SYT16: variants seen among roughly 807,000 people sequenced by gnomAD.
SYT16 encodes the protein synaptotagmin 16.
Under a neutral mutation model 61.4 loss-of-function variants are expected in SYT16, and 42 were observed. The observed-to-expected ratio is 0.68, with a 90% CI of 0.53 to 0.89. The LOEUF is 0.89. Among genes scored for constraint, SYT16 ranks in the 40% least tolerant of loss-of-function variants. SYT16 has a pLI of 0.00. For missense variants in SYT16, 804 were observed against 807.3 expected, an observed-to-expected ratio of 1.00 and a Z score of 0.05; for synonymous variants, 314 against 302.3, an observed-to-expected ratio of 1.04 and a Z score of -0.40.
intron 1 of SYT16, among the ~76,000 whole-genome samples, chr14:61,953,024 G>T (rs1367903034): frequency 6.6e-6 from 1 of 152,136 alleles, no homozygotes; most frequent in African/African-American, 2.4e-5. Flanking sequence ...AAAATAATAT[G>T]CTGTGAAGTA....
chr14:61,882,725 C>A (rs1194295197), intron 1 of SYT16, among the ~76,000 whole-genome samples: 1 of 152,224 alleles, frequency 6.6e-6, no homozygotes, highest in African/African-American at 2.4e-5. Context: ...TCATCTGAGA[C>A]AAGGCAAGTC....
Position 61,846,626 on chromosome 14 carries a change from C to T in SYT16, c.-325+33816C>T, listed in dbSNP as rs142889799. 3.6e-3 allele frequency among the ~76,000 whole-genome samples: 548 copies of T among 152,242 alleles called. 4 individuals carry two copies. Among genetic ancestry groups the T allele is most frequent in the African/African-American group, 0.012 (515 of 41,558 alleles). ...TTTCATCCATTCTGCCAGCCTGCAT[C>T]TTTTGATTGGAGAGTTTAGTCCATT... is the stretch of plus-strand genomic sequence containing the variant. On this transcript the variant is annotated intron_variant, in intron 1 of 7. Coordinates refer to ENST00000683842, the MANE Select transcript of SYT16 (RefSeq NM_001367656.1).
At chr14:62,010,545 G>C (rs140985324) in intron 3 of SYT16, among the ~76,000 whole-genome samples, 2 of 152,216 alleles carry the variant, frequency 1.3e-5, no homozygotes, top group African/African-American at 4.8e-5. Flanking sequence ...GTGCTTATTA[G>C]CATCTGGTCA....
intron 3 of SYT16, among the ~76,000 whole-genome samples, chr14:62,024,284 C>T (rs1255963586): frequency 6.6e-6 from 1 of 151,920 alleles, no homozygotes; most frequent in Non-Finnish European, 1.5e-5. Context: ...TGTAAATATA[C>T]TTAGAAAAAT....
chr14:61,954,994 A>G (rs189763908), intron 1 of SYT16, among the ~76,000 whole-genome samples: 3 of 152,296 alleles, frequency 2.0e-5, no homozygotes, highest in Non-Finnish European at 2.9e-5. Context: ...AAATTCATAT[A>G]TCATAAAATT....
intron 2 of SYT16, among the ~76,000 whole-genome samples, chr14:61,980,668 GAGAGTTGTAGTCCCTA>G (rs2052029194): frequency 6.6e-6 from 1 of 152,176 alleles, no homozygotes; most frequent in Admixed American, 6.5e-5. Flanking sequence ...TGGTGAAAAA[GAGAGTTGTAGTCCCTA>G]CTCTCTTAGA....
intron 1 of SYT16, among the ~76,000 whole-genome samples, chr14:61,928,189 T>C (rs17256492): frequency 0.16 from 24,934 of 151,828 alleles, 2,393 homozygotes; most frequent in South Asian, 0.25. Context: ...AATGGAGGGG[T>C]TGAAAGGCGG....
chr14:61,990,628 G>C (rs182842925), intron 2 of SYT16, among the ~76,000 whole-genome samples: 23 of 152,242 alleles, frequency 1.5e-4, no homozygotes, highest in African/African-American at 5.3e-4. Context: ...AGGCATACAG[G>C]CTTCTGCTTT....
In SYT16 at chr14:61,813,028, G is replaced by T. The variant is rs561685734; in HGVS notation, c.-325+218G>T. On this transcript the variant is annotated intron_variant, in intron 1 of 7. Transcript: ENST00000683842. ...TGTGGCAGAAGGGCGTGCGCCTGGC[G>T]CCGAGGCGGAGGGACCCTCGATGCC... Among the ~76,000 whole-genome samples the T allele has an allele frequency of 2.3e-3, 352 of 152,374 alleles. 1 individual carries two copies. The highest frequency in any genetic ancestry group is 5.8e-3 in the South Asian group (28 of 4,834).
intron 1 of SYT16, among the ~76,000 whole-genome samples, chr14:61,842,014 T>A (rs749437303): frequency 6.6e-6 from 1 of 152,204 alleles, no homozygotes; most frequent in Non-Finnish European, 1.5e-5. Context: ...ATTTTTTTAA[T>A]CTGTCGCAGG....
chr14:61,933,965 A>G (rs1201729457), intron 1 of SYT16, among the ~76,000 whole-genome samples: 1 of 152,176 alleles, frequency 6.6e-6, no homozygotes, highest in African/African-American at 2.4e-5. Flanking sequence ...ATTTGTGTGT[A>G]TATATGAGAG....
In SYT16 at chr14:61,978,740, T is replaced by C. The variant is rs75724642; in HGVS notation, c.-145+8429T>C. ...CCTTTGCTGCTGCCCACACAAAGTATCCATCTGGTGGTTTCTCCACCTGGC... is the reference window on the plus strand; with the variant it reads ...CCTTTGCTGCTGCCCACACAAAGTACCCATCTGGTGGTTTCTCCACCTGGC... On this transcript the variant is annotated intron_variant, in intron 2 of 7. Transcript: ENST00000683842. 5.1e-3 allele frequency among the ~76,000 whole-genome samples: 778 copies of C among 152,294 alleles called. 24 individuals carry two copies. The East Asian group carries it at 0.064, about 12-fold the overall frequency.
chr14:61,844,568 A>AT (rs1350450499), intron 1 of SYT16, among the ~76,000 whole-genome samples: 2 of 151,986 alleles, frequency 1.3e-5, no homozygotes, highest in Non-Finnish European at 2.9e-5. Flanking sequence ...CTCTATACCC[A>AT]TTTTTTTAGA....
chr14:61,847,995 C>T (rs1263799405), intron 1 of SYT16, among the ~76,000 whole-genome samples: 1 of 152,166 alleles, frequency 6.6e-6, no homozygotes, highest in Non-Finnish European at 1.5e-5. Context: ...TTCCTCAAAA[C>T]AGCTATTGGA....
chr14:61,825,300 T>G (rs2045739465), intron 1 of SYT16, among the ~76,000 whole-genome samples: 1 of 152,230 alleles, frequency 6.6e-6, no homozygotes. Context: ...AAGTCTTCAC[T>G]TAATGTAATT....
At chr14:62,011,943 T>G (rs1461766773) in intron 3 of SYT16, among the ~76,000 whole-genome samples, 1 of 84,570 alleles carries the variant, frequency 1.2e-5, no homozygotes, top group African/African-American at 5.7e-5. Flanking sequence ...ATATATATAT[T>G]TGATGCTGTG....
intron 3 of SYT16, among the ~76,000 whole-genome samples, chr14:62,048,958 C>G (rs377683654): frequency 6.6e-6 from 1 of 152,022 alleles, no homozygotes; most frequent in African/African-American, 2.4e-5. Flanking sequence ...TTCTGTTGAT[C>G]TGGGGTGGAG....
rs531391467 is a variant in SYT16, at chr14:62,018,393, C to T, written c.523+21851C>T. 4.0e-5 allele frequency among the ~76,000 whole-genome samples: 6 copies of T among 149,428 alleles called. No individual in the cohort carries two copies. The South Asian group carries it at 8.6e-4, about 21-fold the overall frequency. ...CACGATCTCAGCTCACTGCAACCTC[C>T]GCCTCCCAGGATCAAGCGATTCTCC... On this transcript the variant is annotated intron_variant, in intron 3 of 7. Transcript: ENST00000683842.
chr14:61,856,444 T>A (rs1342770974), intron 1 of SYT16, among the ~76,000 whole-genome samples: 1 of 152,156 alleles, frequency 6.6e-6, no homozygotes, highest in East Asian at 1.9e-4. Flanking sequence ...ACATACATAC[T>A]ATTTTGAGGA....
Sources: allele counts gnomAD v4.1 joint callset (sites outside exome capture counted in the v4.1 genomes callset), GRCh38; gene constraint gnomAD v4.1.1; transcripts MANE v1.5; gene names NCBI Gene and HGNC (gene_info 2026-07-23, HGNC 2026-07-21).